The following DIP2A variants were observed in gnomAD, a reference collection of about 807,000 sequenced individuals.
DIP2A encodes DIP2 acetate--CoA ligase A, also known as disco-interacting protein 2 homolog A.
Under a neutral mutation model 177.4 loss-of-function variants are expected in DIP2A, and 85 were observed. The observed-to-expected ratio is 0.48, with a 90% confidence interval of 0.40 to 0.57. The LOEUF (loss-of-function observed/expected upper bound fraction) is 0.57, where lower values mean the gene tolerates loss of function less well. Among genes scored for constraint, DIP2A ranks in the 20% least tolerant of loss-of-function variants. The pLI, the probability that DIP2A is intolerant of heterozygous loss-of-function variation, is 0.00. For synonymous variants in DIP2A, 886 were observed against 881.8 expected (o/e 1.00, Z -0.08); for missense variants, 1,791 against 2,100.2 (o/e 0.85, Z 2.88).
chr21:46,546,880 G>T (rs1399837841), intron 20 of DIP2A, 35 bp from the exon 21 acceptor site: 1 of 1,610,050 alleles, frequency 6.2e-7, no homozygotes, highest in Middle Eastern at 1.7e-4. Flanking sequence ...TTCTGCCCGT[G>T]TGGGTGGAGT....
chr21:46,560,820 C>T, intron 33 of DIP2A, 37 bp downstream of exon 33: 1 of 1,581,780 alleles, frequency 6.3e-7, no homozygotes. Context: ...CATGGATACC[C>T]AGTGGCAAAG....
chr21:46,554,138 A>G (rs112031596), intron 25 of DIP2A, 31 bp from the exon 26 acceptor site: 4 of 1,588,042 alleles, frequency 2.5e-6, no homozygotes, highest in East Asian at 2.3e-5. Context: ...ACGCACCAGC[A>G]TACAGATGAG....
At chr21:46,510,175 T>A (rs2016807) in intron 7 of DIP2A, among the ~76,000 whole-genome samples, 126,929 of 152,032 alleles carry the variant, frequency 0.83, 53,302 homozygotes, top group African/African-American at 0.92. Context: ...AGTGCTGAAG[T>A]ACTTGGAATC....
the DIP2A span, among the ~76,000 whole-genome samples, chr21:46,582,718 G>C: frequency 6.6e-6 from 1 of 152,080 alleles, no homozygotes; most frequent in Non-Finnish European, 1.5e-5. Context: ...ATTCTTCTCA[G>C]TGGGAGCCAC....
intron 18 of DIP2A, among the ~76,000 whole-genome samples, chr21:46,544,744 G>A (rs1256724941): frequency 6.6e-6 from 1 of 152,200 alleles, no homozygotes; most frequent in Non-Finnish European, 1.5e-5. Flanking sequence ...TCTGGAGCAG[G>A]AGATGGTGTC....
chr21:46,467,314 A>T lies in DIP2A; in HGVS notation c.91+8092A>T, dbSNP rs1006583672. Reference sequence around the variant, plus strand: ...CCGTCTCAAAAAAAAAAAAAAAAAAATTTAAATGAGTTAAATATTTAAAAA... The same window carrying T: ...CCGTCTCAAAAAAAAAAAAAAAAAATTTTAAATGAGTTAAATATTTAAAAA... On this transcript the variant is annotated intron_variant, in intron 1 of 37. Coordinates refer to ENST00000417564, the MANE Select transcript of DIP2A (RefSeq NM_015151.4). 4.0e-5 allele frequency among the ~76,000 whole-genome samples: 6 copies of T among 150,590 alleles called. No individual in the cohort carries two copies. In the East Asian group the frequency reaches 1.2e-3, roughly 29 times the overall value.
chr21:46,560,625 C>A (rs998916881), intron 32 of DIP2A, 97 bp from the exon 33 acceptor site: 3 of 1,498,128 alleles, frequency 2.0e-6, no homozygotes, highest in Non-Finnish European at 2.7e-6. Flanking sequence ...TGGGTGTCCC[C>A]GGGGGCCAGG....
At position 46,458,994 on chromosome 21, in the gene DIP2A, C is replaced by T; in HGVS notation, c.-138C>T. On this transcript the variant is annotated 5_prime_UTR_variant, in exon 1 of 38. Coordinates refer to ENST00000417564, the MANE Select transcript of DIP2A (RefSeq NM_015151.4). ...GGTGCGTTGCTGTCCTGGCCGCGCCCCTGTCCCGCCGCCTCCCGCTCCTCG... is the reference window on the plus strand; with the variant it reads ...GGTGCGTTGCTGTCCTGGCCGCGCCTCTGTCCCGCCGCCTCCCGCTCCTCG... The T allele has an allele frequency of 1.5e-6, 1 of 680,706 alleles. No homozygotes were observed. Among genetic ancestry groups the T allele is most frequent in the East Asian group, 3.5e-5 (1 of 28,184 alleles). 42.2% of individuals were successfully genotyped at this position (680,706 alleles called of 1,614,324 possible).
In DIP2A at chr21:46,545,207, C is replaced by T. The variant is rs377659201; in HGVS notation, c.2247C>T (p.Cys749=). The stretch of plus-strand genomic sequence containing the variant: ...AAACTGATGAAGTGGGAGAAATATG[C>T]GTCAGTTCCAGTGCAACTGGCACAG... ...LCKTDEVGEI[C]VSSSATGTAY... Residue 749 remains cysteine, a synonymous_variant, in exon 19 of 38, where the codon TGC becomes TGT. Coordinates refer to ENST00000417564, the MANE Select transcript of DIP2A (RefSeq NM_015151.4). The T allele has an allele frequency of 1.2e-5, 19 of 1,609,166 alleles. No individual in the cohort carries two copies. Among genetic ancestry groups the T allele is most frequent in the East Asian group, 6.7e-5 (3 of 44,752 alleles).
In DIP2A at chr21:46,558,283, A is replaced by C. The variant is rs753591745; in HGVS notation, c.3859A>C (p.Arg1287=). 1 of 1,612,482 alleles carries C rather than the reference A, an allele frequency of 6.2e-7. No homozygotes were observed. Among genetic ancestry groups the C allele is most frequent in the East Asian group, 2.2e-5 (1 of 44,856 alleles). ...TCMVVAEERP[R]IALTQSFSKL... ...CATGGTGGTCGCCGAGGAGCGGCCC[A>C]GGATTGCGCTGACCCAGTCCTTCTC... The change falls in exon 32 of 38, where the codon AGG becomes CGG. Residue 1287 remains arginine (R), a synonymous_variant. Transcript: ENST00000417564.
At position 46,458,949 on chromosome 21, in the gene DIP2A, T is replaced by G. The variant is rs1027087828; in HGVS notation, c.-183T>G. 15 of 372,536 alleles carry G rather than the reference T, an allele frequency of 4.0e-5. No homozygotes were observed. The highest frequency in any genetic ancestry group is 6.5e-5 in the Non-Finnish European group (14 of 217,008). The allele number at this position is 372,536 out of a possible 1,614,324, so 23.1% of individuals were successfully genotyped here. ...GGGCAGCGGCGGCGCGGCGGAGCCA[T>G]CCGCGCTCGTGCCCGCGCGGGTGCG... On this transcript the variant is annotated 5_prime_UTR_variant, in exon 1 of 38. Coordinates refer to ENST00000417564, the MANE Select transcript of DIP2A (RefSeq NM_015151.4).
intron 20 of DIP2A, among the ~76,000 whole-genome samples, chr21:46,546,483 A>G (rs2060045504): frequency 6.6e-6 from 1 of 152,142 alleles, no homozygotes; most frequent in Non-Finnish European, 1.5e-5. Flanking sequence ...TAAGCACAGG[A>G]CAGCACCTGC....
At chr21:46,481,521 A>G (rs2056342311) in intron 1 of DIP2A, among the ~76,000 whole-genome samples, 1 of 152,222 alleles carries the variant, frequency 6.6e-6, no homozygotes. Flanking sequence ...TTTACTGTAT[A>G]AAGAACTTCC....
At chr21:46,540,237 T>G (rs1018316550) in intron 17 of DIP2A, among the ~76,000 whole-genome samples, 69 of 152,136 alleles carry the variant, frequency 4.5e-4, no homozygotes, top group African/African-American at 1.6e-3. Flanking sequence ...CTTCCCAAAT[T>G]AGAAAGGCCT....
At chr21:46,540,875 C>T (rs552404802) in intron 17 of DIP2A, among the ~76,000 whole-genome samples, 2 of 151,812 alleles carry the variant, frequency 1.3e-5, no homozygotes, top group East Asian at 1.9e-4. Flanking sequence ...ATTAGCCAGG[C>T]GTGGTGGCAG....
chr21:46,554,146 G>A (rs376908292), intron 25 of DIP2A, 23 bp from the exon 26 acceptor site: 245 of 1,605,298 alleles, frequency 1.5e-4, no homozygotes, highest in Middle Eastern at 1.0e-3. Context: ...GCATACAGAT[G>A]AGCTCAAAGA....
chr21:46,498,846 C>G lies in DIP2A; in HGVS notation c.655+13C>G. The G allele has an allele frequency of 6.2e-7, 1 of 1,601,848 alleles. No homozygotes were observed. The highest frequency in any genetic ancestry group is 8.5e-7 in the Non-Finnish European group (1 of 1,171,984). On this transcript the variant is annotated intron_variant, in intron 5 of 37. Coordinates refer to ENST00000417564, the MANE Select transcript of DIP2A (RefSeq NM_015151.4). The surrounding 1 kb of genome is among the most constrained non-coding windows in gnomAD (Gnocchi z 4.3). Reference sequence around the variant, plus strand: ...CACACCCACATAGGTCAGTAATAAGCTGCTGCGGCCCCTGTGCCAGCAGAG... The same window carrying G: ...CACACCCACATAGGTCAGTAATAAGGTGCTGCGGCCCCTGTGCCAGCAGAG...
At chr21:46,517,771 A>G (rs540275616) in intron 8 of DIP2A, among the ~76,000 whole-genome samples, 12 of 152,216 alleles carry the variant, frequency 7.9e-5, no homozygotes, top group South Asian at 2.1e-4. Flanking sequence ...AAAGCTCTGC[A>G]GGTTTCTTCA....
rs1271615836 is a variant in DIP2A, at chr21:46,563,068, G to A, written c.4090-790G>A. 1.3e-5 allele frequency among the ~76,000 whole-genome samples: 2 copies of A among 152,164 alleles called. No homozygotes were observed. Among genetic ancestry groups the A allele is most frequent in the Non-Finnish European group, 2.9e-5 (2 of 68,036 alleles). On this transcript the variant is annotated intron_variant, in intron 34 of 37. Coordinates refer to ENST00000417564, the MANE Select transcript of DIP2A (RefSeq NM_015151.4). The surrounding 1 kb of genome is among the most constrained non-coding windows in gnomAD (Gnocchi z 4.3). Reference sequence around the variant, plus strand: ...CTTGGGCCTGATAGGTTTGTGTCCTGGAAAGAGCTCTGGTTTTGGGGCTCA... The same window carrying A: ...CTTGGGCCTGATAGGTTTGTGTCCTAGAAAGAGCTCTGGTTTTGGGGCTCA...
Sources: allele counts gnomAD v4.1 joint callset (sites outside exome capture counted in the v4.1 genomes callset), GRCh38; gene constraint gnomAD v4.1.1; non-coding constraint Gnocchi (gnomAD v3.1); transcripts MANE v1.5; gene names NCBI Gene and HGNC (gene_info 2026-07-23, HGNC 2026-07-21).